LAMP1: variants seen among roughly 807,000 people sequenced by gnomAD.
The protein encoded by LAMP1 is lysosome-associated membrane glycoprotein 1.
LAMP1 carries 7 observed loss-of-function variants against 37.5 expected under a neutral mutation model. The observed-to-expected ratio is 0.19, with a 90% CI of 0.11 to 0.35. The LOEUF is 0.35. Among genes scored for constraint, LAMP1 ranks in the 10% least tolerant of loss-of-function variants. The pLI is 1.00. For synonymous variants in LAMP1, 236 were observed against 229.1 expected, an observed-to-expected ratio of 1.03 and a Z score of -0.27; for missense variants, 537 against 552.8, an observed-to-expected ratio of 0.97 and a Z score of 0.29.
intron 1 of LAMP1, among the ~76,000 whole-genome samples, chr13:113,302,513 T>A (rs1170539818): frequency 6.6e-6 from 1 of 152,224 alleles, no homozygotes. Flanking sequence ...AAAATGAAGT[T>A]TTTTACTCAT....
chr13:113,310,705 C>A lies in LAMP1; in HGVS notation c.404-4C>A. On this transcript the variant is annotated splice_region_variant and splice_polypyrimidine_tract_variant and intron_variant, in intron 3 of 8. Transcript: ENST00000332556. ...AATTGTGATTTTTTTTTTTTTTAAT[C>A]TAGAAATCAAGACTGTGGAATCTAT... 2.7e-6 allele frequency: 4 copies of A among 1,505,184 alleles called. No homozygotes were observed. Among genetic ancestry groups the A allele is most frequent in the East Asian group, 2.4e-5 (1 of 41,314 alleles). The allele number at this position is 1,505,184 out of a possible 1,614,324, so 93.2% of individuals were successfully genotyped here. A position where few individuals can be genotyped will look rare whatever the true frequency, so the allele number is the denominator to read the frequency against.
rs564189253 is a variant in LAMP1, at chr13:113,306,511, A to G, written c.88A>G (p.Met30Val). Reference protein sequence around the residue: ...LGLMHCASAAMFMVKNGNGTA... With the variant: ...LGLMHCASAAVFMVKNGNGTA... The stretch of plus-strand genomic sequence containing the variant: ...CCTCATGCATTGTGCGTCAGCAGCA[A>G]TGTTTATGGTGAAAAATGGCAACGG... The change falls in exon 2 of 9, where the codon ATG becomes GTG. Residue 30 changes from methionine (M) to valine (V), a missense_variant. Physicochemically the swap from Met to Val is conservative, Grantham distance 21. Transcript: ENST00000332556. 93 of 1,614,032 alleles carry G rather than the reference A, an allele frequency of 5.8e-5. No individual in the cohort carries two copies. The East Asian group carries it at 1.9e-3, about 32-fold the overall frequency.
chr13:113,316,176 A>C (rs1303551996), intron 4 of LAMP1, among the ~76,000 whole-genome samples: 1 of 152,168 alleles, frequency 6.6e-6, no homozygotes, highest in Non-Finnish European at 1.5e-5. Context: ...CTGAGGCTGG[A>C]GTCAGCCAGA....
Position 113,309,658 on chromosome 13 carries a change from C to G in LAMP1, c.199C>G (p.Leu67Val), listed in dbSNP as rs1252960761. ...TTTATTCTAGAACATGACCTTTGAC[C>G]TGCCATCAGATGCCACAGTGGTGCT... Reference protein sequence around the residue: ...KSGPKNMTFDLPSDATVVLNR... With the variant: ...KSGPKNMTFDVPSDATVVLNR... The change falls in exon 3 of 9, where the codon CTG (leucine) becomes GTG (valine). Residue 67 changes from leucine (L) to valine (V), a missense_variant. Transcript: ENST00000332556. 6.2e-7 allele frequency: 1 copy of G among 1,613,294 alleles called. No individual in the cohort carries two copies. The highest frequency in any genetic ancestry group is 1.7e-5 in the Admixed American group (1 of 59,958).
At chr13:113,319,689 C>T (rs191041858) in intron 5 of LAMP1, 33 bp downstream of exon 5, 152 of 1,589,896 alleles carry the variant, frequency 9.6e-5, no homozygotes, top group South Asian at 1.5e-4. Context: ...GAGAGGGGGA[C>T]GGCACGGTAG....
At chr13:113,319,082 C>T (rs2042682648) in intron 4 of LAMP1, among the ~76,000 whole-genome samples, 1 of 152,258 alleles carries the variant, frequency 6.6e-6, no homozygotes, top group South Asian at 2.1e-4. Context: ...AGCACAGCTT[C>T]CTGCGTCCAC....
rs541356511 is a variant in LAMP1 at position 113,315,216 on chromosome 13, G to A, written c.563-4253G>A. 2.0e-5 allele frequency among the ~76,000 whole-genome samples: 3 copies of A among 149,826 alleles called. No individual in the cohort carries two copies. The East Asian group carries it at 6.0e-4, about 30-fold the overall frequency. On this transcript the variant is annotated intron_variant, in intron 4 of 8. Coordinates refer to ENST00000332556, the MANE Select transcript of LAMP1 (RefSeq NM_005561.4). Reference sequence around the variant, plus strand: ...CAGTGTGGAGATGCCCGTGTGCCTGGGGCGTGGCCTCCTGGAGGGAGCCAG... The same window carrying A: ...CAGTGTGGAGATGCCCGTGTGCCTGAGGCGTGGCCTCCTGGAGGGAGCCAG...
At chr13:113,310,335 G>A (rs2042623443) in intron 3 of LAMP1, among the ~76,000 whole-genome samples, 1 of 152,084 alleles carries the variant, frequency 6.6e-6, no homozygotes, top group Non-Finnish European at 1.5e-5. Context: ...AGACCAGCCT[G>A]ATCAACATGG....
intron 1 of LAMP1, among the ~76,000 whole-genome samples, chr13:113,299,735 A>G (rs2042561036): frequency 6.6e-6 from 1 of 151,042 alleles, no homozygotes; most frequent in Non-Finnish European, 1.5e-5. Context: ...TGCCTGGCTA[A>G]TTTTTGTAGT....
chr13:113,318,977 A>G (rs1405546628), intron 4 of LAMP1, among the ~76,000 whole-genome samples: 1 of 152,152 alleles, frequency 6.6e-6, no homozygotes, highest in Non-Finnish European at 1.5e-5. Context: ...CCCTCTGGGT[A>G]GTGTTTCCAG....
At chr13:113,316,602 T>C (rs1053430004) in intron 4 of LAMP1, among the ~76,000 whole-genome samples, 10 of 152,086 alleles carry the variant, frequency 6.6e-5, no homozygotes, top group Non-Finnish European at 1.2e-4. Flanking sequence ...TTTGTATTTT[T>C]AGTAGAGACG....
At position 113,297,620 on chromosome 13, in the gene LAMP1, C is replaced by G. The variant is rs970979883; in HGVS notation, c.61+125C>G. The stretch of plus-strand genomic sequence containing the variant: ...TCGCCCCGCACCCACTGCTCCTGGT[C>G]CCGGCCGGCTCTGCCCGCGGGCGGG... On this transcript the variant is annotated intron_variant, in intron 1 of 8. Transcript: ENST00000332556. The surrounding 1 kb of genome is among the most constrained non-coding windows in gnomAD (Gnocchi z 4.4). The G allele has an allele frequency of 5.5e-6, 5 of 915,448 alleles. No homozygotes were observed. The Admixed American group carries it at 1.5e-4, about 27-fold the overall frequency. 56.7% of individuals were successfully genotyped at this position (915,448 alleles called of 1,614,324 possible).
chr13:113,319,112 A>G (rs1421913317), intron 4 of LAMP1, among the ~76,000 whole-genome samples: 1 of 152,156 alleles, frequency 6.6e-6, no homozygotes, highest in East Asian at 1.9e-4. Context: ...ACAGCGTTCA[A>G]GGCTTTCTCA....
intron 1 of LAMP1, among the ~76,000 whole-genome samples, chr13:113,299,913 T>A (rs1257749103): frequency 2.0e-5 from 3 of 152,104 alleles, no homozygotes; most frequent in Admixed American, 2.0e-4. Context: ...TTTAAAGATA[T>A]TTAAAATGTT....
intron 1 of LAMP1, among the ~76,000 whole-genome samples, chr13:113,299,065 G>A (rs550713816): frequency 2.0e-5 from 3 of 152,142 alleles, no homozygotes; most frequent in Admixed American, 1.3e-4. Flanking sequence ...GCTTGAACCC[G>A]GGAAGCAGAG....
intron 4 of LAMP1, among the ~76,000 whole-genome samples, chr13:113,318,424 A>G (rs1464651495): frequency 6.6e-6 from 1 of 152,166 alleles, no homozygotes; most frequent in Non-Finnish European, 1.5e-5. Context: ...GAGATGTGGA[A>G]AGGATCGAAT....
intron 1 of LAMP1, among the ~76,000 whole-genome samples, chr13:113,301,858 C>CTTTTTGTTTTTTTTTTTTT (rs2042576259): frequency 1.3e-5 from 1 of 74,332 alleles, no homozygotes; most frequent in African/African-American, 5.1e-5. Flanking sequence ...GATGTGATTT[C>CTTTTTGTTTTTTTTTTTTT]TTTTTTTTTT....
At chr13:113,317,877 T>G (rs960321783) in intron 4 of LAMP1, among the ~76,000 whole-genome samples, 23 of 152,100 alleles carry the variant, frequency 1.5e-4, no homozygotes, top group African/African-American at 5.6e-4. Flanking sequence ...TTTGTGGAGA[T>G]GGGGGTCTCC....
intron 4 of LAMP1, among the ~76,000 whole-genome samples, chr13:113,315,382 C>CTTTTTTT (rs1158608278): frequency 1.7e-4 from 10 of 60,434 alleles, no homozygotes; most frequent in East Asian, 6.1e-4. Flanking sequence ...TGTATCTTGT[C>CTTTTTTT]TTTTTTTTTT....
Sources: allele counts gnomAD v4.1 joint callset (sites outside exome capture counted in the v4.1 genomes callset), GRCh38; gene constraint gnomAD v4.1.1; non-coding constraint Gnocchi (gnomAD v3.1); transcripts MANE v1.5; gene names NCBI Gene and HGNC (gene_info 2026-07-23, HGNC 2026-07-21).